The following NUDCD2 variants were observed in gnomAD, a reference collection of about 807,000 sequenced individuals.
NUDCD2 encodes the protein NudC domain containing 2.
In NUDCD2, 16 loss-of-function variants were observed where a neutral mutation model predicts 20.8. The ratio of observed to expected loss-of-function variants is 0.77; its 90% confidence interval spans 0.52 to 1.17. NUDCD2 has a LOEUF of 1.17. NUDCD2 is among the 50% of genes most tolerant of loss of function. NUDCD2 has a pLI of 0.00. For missense variants in NUDCD2, 199 were observed against 193.9 expected (o/e 1.03, Z -0.16); for synonymous variants, 87 against 72.8 (o/e 1.20, Z -1.00).
intron 3 of NUDCD2, among the ~76,000 whole-genome samples, chr5:163,455,038 A>G (rs1227628185): frequency 6.6e-6 from 1 of 152,168 alleles, no homozygotes; most frequent in African/African-American, 2.4e-5. Flanking sequence ...ACAAATGAGC[A>G]TATACGTATC....
At position 163,450,796 on chromosome 5, in the gene NUDCD2, A is replaced by G. The variant is rs769513197; in HGVS notation, c.*3171T>C. 11 of 152,214 alleles carry G rather than the reference A, an allele frequency of 7.2e-5. No homozygotes were observed. The highest frequency in any genetic ancestry group is 2.1e-4 in the South Asian group (1 of 4,830). 9.4% of individuals were successfully genotyped at this position (152,214 alleles called of 1,614,324 possible). ...AACATAGTTATCATATAACCTAAAA[A>G]TTCTACTCCTAGGTAAGAAATGAAA... On this transcript the variant is annotated 3_prime_UTR_variant, in exon 4 of 4. Coordinates refer to ENST00000302764, the MANE Select transcript of NUDCD2 (RefSeq NM_145266.6).
At position 163,460,096 on chromosome 5, in the gene NUDCD2, C is replaced by A. The variant is rs756069521; in HGVS notation, c.-46G>T. The A allele has an allele frequency of 1.3e-6, 2 of 1,493,862 alleles. No homozygotes were observed. The highest frequency in any genetic ancestry group is 1.8e-4 in the Middle Eastern group (1 of 5,510). The allele number at this position is 1,493,862 out of a possible 1,614,324, so 92.5% of individuals were successfully genotyped here. A position where few individuals can be genotyped will look rare whatever the true frequency, so the allele number is the denominator to read the frequency against. On this transcript the variant is annotated 5_prime_UTR_variant, in exon 1 of 4. Coordinates refer to ENST00000302764, the MANE Select transcript of NUDCD2 (RefSeq NM_145266.6). ...CGGCCGCACCAGGCGGAGCCGAGCG[C>A]ACGCGCGGAATCCCACGCTTAGGCT...
Position 163,457,082 on chromosome 5 carries a change from T to TA in NUDCD2, c.239-3dup, listed in dbSNP as rs747457697. The TA allele has an allele frequency of 0.013, 16,661 of 1,291,300 alleles. No individual in the cohort carries two copies. The highest frequency in any genetic ancestry group is 0.024 in the South Asian group (1,594 of 66,032). The allele number at this position is 1,291,300 out of a possible 1,614,324, so 80.0% of individuals were successfully genotyped here. A position where few individuals can be genotyped will look rare whatever the true frequency, so the allele number is the denominator to read the frequency against. On this transcript the variant is annotated splice_polypyrimidine_tract_variant and splice_region_variant and intron_variant, in intron 2 of 3. Transcript: ENST00000302764. ...CAATACGAACCATTTTTCTGTCCTCTAAAAAAAAAACACACACACACACAC... is the reference window on the plus strand; with the variant it reads ...CAATACGAACCATTTTTCTGTCCTCTAAAAAAAAAAACACACACACACACAC...
chr5:163,453,269 C>G lies in NUDCD2; in HGVS notation c.*698G>C, dbSNP rs978069682. 9 of 152,154 alleles carry G rather than the reference C, an allele frequency of 5.9e-5. No homozygotes were observed. Among genetic ancestry groups the G allele is most frequent in the Non-Finnish European group, 1.3e-4 (9 of 68,008 alleles). The allele number at this position is 152,154 out of a possible 1,614,324, so 9.4% of individuals were successfully genotyped here. A position where few individuals can be genotyped will look rare whatever the true frequency, so the allele number is the denominator to read the frequency against. On this transcript the variant is annotated 3_prime_UTR_variant, in exon 4 of 4. Coordinates refer to ENST00000302764, the MANE Select transcript of NUDCD2 (RefSeq NM_145266.6). ...AATTCCTACCTATATGCCTAAATCA[C>G]TTACAATCAAAATGATGCCACTGAT... is the stretch of plus-strand genomic sequence containing the variant.
At position 163,450,159 on chromosome 5, in the gene NUDCD2, A is replaced by G. The variant is rs1489122742; in HGVS notation, c.*3808T>C. Reference sequence around the variant, plus strand: ...ACCTGTAGTCCCAGCTACTTGGGAGACTGAAGCACAAGAATCACTTGAACC... The same window carrying G: ...ACCTGTAGTCCCAGCTACTTGGGAGGCTGAAGCACAAGAATCACTTGAACC... On this transcript the variant is annotated 3_prime_UTR_variant, in exon 4 of 4. Transcript: ENST00000302764. The G allele has an allele frequency of 6.6e-6, 1 of 152,126 alleles. No homozygotes were observed. Among genetic ancestry groups the G allele is most frequent in the Non-Finnish European group, 1.5e-5 (1 of 68,030 alleles). 9.4% of individuals were successfully genotyped at this position (152,126 alleles called of 1,614,324 possible). A position where few individuals can be genotyped will look rare whatever the true frequency, so the allele number is the denominator to read the frequency against.
chr5:163,456,996 T>C lies in NUDCD2; in HGVS notation c.323A>G (p.Tyr108Cys), dbSNP rs907570590. 8 of 1,613,440 alleles carry C rather than the reference T, an allele frequency of 5.0e-6. No individual in the cohort carries two copies. The African/African-American group carries it at 1.1e-4, about 22-fold the overall frequency. ...GTCTTGCACCCAAGGATCCGCTGCA[T>C]ATTCAGATTCTAGTAGAGAAGTCCA... ...NCWTSLLESE[Y>C]AADPWVQDQM... The change falls in exon 3 of 4, where the codon TAT becomes TGT. Residue 108 changes from tyrosine to cysteine, a missense_variant. Tyr to Cys is a radical substitution (Grantham distance 194). Coordinates refer to ENST00000302764, the MANE Select transcript of NUDCD2 (RefSeq NM_145266.6).
At chr5:163,455,000 A>G (rs1022437497) in intron 3 of NUDCD2, among the ~76,000 whole-genome samples, 10 of 152,164 alleles carry the variant, frequency 6.6e-5, no homozygotes, top group African/African-American at 9.7e-5. Context: ...TGTCACAAAT[A>G]CTCAACTGTC....
At position 163,454,043 on chromosome 5, in the gene NUDCD2, C is replaced by A. The variant is rs763918240; in HGVS notation, c.398G>T (p.Gly133Val). ...GATTTCTGCTCCACTGAAGTCAAAA[C>A]CAGGATTCTAAAAGATACAAACATA... Reference protein sequence around the residue: ...TLERFQKENPGFDFSGAEISG... With the variant: ...TLERFQKENPVFDFSGAEISG... Residue 133 changes from glycine to valine, a missense_variant, in exon 4 of 4, where the codon GGT becomes GTT. By Grantham distance (109) the Gly-to-Val change is moderately radical. Transcript: ENST00000302764. The A allele has an allele frequency of 1.3e-6, 2 of 1,539,990 alleles. No individual in the cohort carries two copies. The highest frequency in any genetic ancestry group is 8.8e-7 in the Non-Finnish European group (1 of 1,133,918).
chr5:163,457,819 C>G (rs1019468000), intron 1 of NUDCD2, among the ~76,000 whole-genome samples: 3 of 151,996 alleles, frequency 2.0e-5, no homozygotes, highest in African/African-American at 7.2e-5. Context: ...TGGCAAAGAA[C>G]ACAGAGCTCT....
intron 3 of NUDCD2, 137 bp from the exon 4 acceptor site, chr5:163,454,187 A>G (rs1404697638): frequency 9.0e-6 from 4 of 444,858 alleles, no homozygotes; most frequent in East Asian, 3.5e-5. Flanking sequence ...TGTTACCACC[A>G]AAGTAATATT....
chr5:163,459,904 G>T lies in NUDCD2; in HGVS notation c.147C>A (p.Ser49Arg). ...RAQDIQCGLQ[S>R]RHVALSVGGR... ...CGCCCACCGACAGCGCCACATGCCG[G>T]CTCTGGAGGCCGCACTGGATATCCT... Residue 49 changes from serine (S) to arginine (R), a missense_variant, in exon 1 of 4, where the codon AGC (serine) becomes AGA (arginine). Ser to Arg is a moderately radical substitution (Grantham distance 110). Coordinates refer to ENST00000302764, the MANE Select transcript of NUDCD2 (RefSeq NM_145266.6). 1 of 1,611,598 alleles carries T rather than the reference G, an allele frequency of 6.2e-7. No individual in the cohort carries two copies. The highest frequency in any genetic ancestry group is 8.5e-7 in the Non-Finnish European group (1 of 1,179,100).
rs1327980541 is a variant in NUDCD2, at chr5:163,447,245, A to T, written c.*6722T>A. ...GGTGGGAGGATTGCTTGAGGCCAAG[A>T]GTTCAAGACCAGCCTACTCAACATA... On this transcript the variant is annotated 3_prime_UTR_variant, in exon 4 of 4. Transcript: ENST00000302764. The T allele has an allele frequency of 1.3e-5, 2 of 152,778 alleles. No homozygotes were observed. Among genetic ancestry groups the T allele is most frequent in the African/African-American group, 4.8e-5 (2 of 41,446 alleles). 9.5% of individuals were successfully genotyped at this position (152,778 alleles called of 1,614,324 possible). A position where few individuals can be genotyped will look rare whatever the true frequency, so the allele number is the denominator to read the frequency against.
rs1758127280 is a variant in NUDCD2, at chr5:163,449,698, T to C, written c.*4269A>G. The C allele has an allele frequency of 6.6e-6, 1 of 151,956 alleles. No individual in the cohort carries two copies. The highest frequency in any genetic ancestry group is 2.4e-5 in the African/African-American group (1 of 41,416). 9.4% of individuals were successfully genotyped at this position (151,956 alleles called of 1,614,324 possible). The stretch of plus-strand genomic sequence containing the variant: ...TATAAAGCTGTGATAATCAAGGCAA[T>C]CTGGTATTTATGAAAGGATAAACAC... On this transcript the variant is annotated 3_prime_UTR_variant, in exon 4 of 4. Transcript: ENST00000302764.
At position 163,450,841 on chromosome 5, in the gene NUDCD2, CT is replaced by C. The variant is rs1218305713; in HGVS notation, c.*3125del. 6.6e-6 allele frequency: 1 copy of C among 152,224 alleles called. No individual in the cohort carries two copies. Among genetic ancestry groups the C allele is most frequent in the Non-Finnish European group, 1.5e-5 (1 of 68,042 alleles). The allele number at this position is 152,224 out of a possible 1,614,324, so 9.4% of individuals were successfully genotyped here. A position where few individuals can be genotyped will look rare whatever the true frequency, so the allele number is the denominator to read the frequency against. On this transcript the variant is annotated 3_prime_UTR_variant, in exon 4 of 4. Transcript: ENST00000302764. ...ATGAAAACACATATGCACATAAAGA[CT>C]TGTACACGTTTATAGCAGCTTTAGT...
rs1344995936 is a variant in NUDCD2 at position 163,454,036 on chromosome 5, G to A, written c.405C>T (p.Asp135=). The part of the protein sequence containing the change: ...ERFQKENPGF[D]FSGAEISGNY... Reference sequence around the variant, plus strand: ...TTCCTGAGATTTCTGCTCCACTGAAGTCAAAACCAGGATTCTAAAAGATAC... The same window carrying A: ...TTCCTGAGATTTCTGCTCCACTGAAATCAAAACCAGGATTCTAAAAGATAC... Residue 135 remains aspartate, a synonymous_variant, in exon 4 of 4, where the codon GAC becomes GAT. Transcript: ENST00000302764. 6.5e-7 allele frequency: 1 copy of A among 1,545,938 alleles called. No homozygotes were observed. The highest frequency in any genetic ancestry group is 1.4e-5 in the African/African-American group (1 of 72,742).
intron 3 of NUDCD2, among the ~76,000 whole-genome samples, chr5:163,455,809 C>G (rs890050310): frequency 6.6e-6 from 1 of 150,592 alleles, no homozygotes; most frequent in Non-Finnish European, 1.5e-5. Flanking sequence ...GTGAGAAGAC[C>G]AATTAGAACG....
rs1044724278 is a variant in NUDCD2 at position 163,447,743 on chromosome 5, CAT to C, written c.*6222_*6223del. On this transcript the variant is annotated 3_prime_UTR_variant, in exon 4 of 4. Coordinates refer to ENST00000302764, the MANE Select transcript of NUDCD2 (RefSeq NM_145266.6). ...TTAACAAATTTAAAAGAGATGAAAT[CAT>C]ATAAAATATGTTTTTTGACCATAAT... 9 of 152,002 alleles carry C rather than the reference CAT, an allele frequency of 5.9e-5. No individual in the cohort carries two copies. The highest frequency in any genetic ancestry group is 3.3e-4 in the Admixed American group (5 of 15,262). 9.4% of individuals were successfully genotyped at this position (152,002 alleles called of 1,614,324 possible).
intron 3 of NUDCD2, among the ~76,000 whole-genome samples, chr5:163,455,119 C>A (rs1758271067): frequency 6.8e-6 from 1 of 147,812 alleles, no homozygotes; most frequent in African/African-American, 2.5e-5. Flanking sequence ...CCGCTGATGT[C>A]GTGTTAAAAG....
At chr5:163,457,195 G>C (rs1581179678) in intron 2 of NUDCD2, 115 bp from the exon 3 acceptor site, 1 of 1,103,600 alleles carries the variant, frequency 9.1e-7, no homozygotes, top group Non-Finnish European at 1.2e-6. Context: ...GCAGCGGCTT[G>C]ATCTCGGCTC....
Sources: gnomAD v4.1 joint callset for allele counts (sites outside exome capture counted in the v4.1 genomes callset) on GRCh38, gnomAD v4.1.1 for gene constraint, MANE v1.5 for transcripts, NCBI Gene and HGNC (gene_info 2026-07-23, HGNC 2026-07-21) for gene names.